Variants in FAM193A observed in about 807,000 individuals in gnomAD.
The protein encoded by FAM193A is family with sequence similarity 193 member A.
In FAM193A, 22 loss-of-function variants were observed where a neutral mutation model predicts 126.5. The ratio of observed to expected loss-of-function variants is 0.17; its 90% CI spans 0.12 to 0.25. The LOEUF is 0.25. FAM193A is among the 10% of genes least tolerant of loss of function. FAM193A has a pLI of 1.00. For synonymous variants in FAM193A, 761 were observed against 646.8 expected (o/e 1.18, Z -2.68); for missense variants, 1,675 against 1,672.8 (o/e 1.00, Z -0.02).
intron 1 of FAM193A, among the ~76,000 whole-genome samples, chr4:2,581,339 C>T (rs1423092636): frequency 4.0e-5 from 6 of 150,980 alleles, no homozygotes; most frequent in African/African-American, 7.3e-5. Context: ...CTGCAACCTC[C>T]GCCTCCCAGG....
At chr4:2,704,274 A>G (rs1718063955) in intron 19 of FAM193A, among the ~76,000 whole-genome samples, 1 of 151,650 alleles carries the variant, frequency 6.6e-6, no homozygotes, top group African/African-American at 2.4e-5. Context: ...AAAAAAAAAA[A>G]AAAAATTAAG....
At chr4:2,636,352 C>T (rs999957882) in intron 5 of FAM193A, among the ~76,000 whole-genome samples, 2 of 152,110 alleles carry the variant, frequency 1.3e-5, no homozygotes, top group East Asian at 1.9e-4. Context: ...CGTGAGCCAC[C>T]GTGCCCTGCC....
At chr4:2,695,593 T>C (rs973369992) in intron 17 of FAM193A, among the ~76,000 whole-genome samples, 1 of 152,224 alleles carries the variant, frequency 6.6e-6, no homozygotes, top group African/African-American at 2.4e-5. Context: ...CAGGGGCTTA[T>C]AGTTGTTCTT....
chr4:2,604,595 C>G (rs910408224), intron 2 of FAM193A, among the ~76,000 whole-genome samples: 1 of 152,050 alleles, frequency 6.6e-6, no homozygotes, highest in Non-Finnish European at 1.5e-5. Context: ...GTGGTCGTGC[C>G]TTTCTCCTGA....
intron 20 of FAM193A, among the ~76,000 whole-genome samples, chr4:2,721,704 CTG>C (rs1232804485): frequency 6.6e-6 from 1 of 152,186 alleles, no homozygotes; most frequent in Non-Finnish European, 1.5e-5. Flanking sequence ...GGGAGCATAA[CTG>C]TTAAATTACT....
At chr4:2,641,882 T>C (rs1744660610) in intron 6 of FAM193A, among the ~76,000 whole-genome samples, 4 of 151,856 alleles carry the variant, frequency 2.6e-5, no homozygotes, top group Admixed American at 1.3e-4. Flanking sequence ...GGCAGGAGGA[T>C]TGCTTAAGCC....
At chr4:2,558,407 G>GTACA (rs1367418131) in intron 1 of FAM193A, among the ~76,000 whole-genome samples, 1 of 152,188 alleles carries the variant, frequency 6.6e-6, no homozygotes, top group African/African-American at 2.4e-5. Context: ...ACTAGTTAGA[G>GTACA]TACAGTCCCT....
At chr4:2,682,666 T>C (rs1715287007) in intron 13 of FAM193A, among the ~76,000 whole-genome samples, 1 of 152,224 alleles carries the variant, frequency 6.6e-6, no homozygotes, top group South Asian at 2.1e-4. Flanking sequence ...CAATTTTATT[T>C]ATCTTTTTTA....
At chr4:2,704,951 G>A (rs767617399) in intron 19 of FAM193A, among the ~76,000 whole-genome samples, 8 of 151,420 alleles carry the variant, frequency 5.3e-5, no homozygotes, top group African/African-American at 1.2e-4. Context: ...TTGCTCTGTC[G>A]CCCAGGCTGG....
chr4:2,635,604 C>T (rs1248912738), intron 5 of FAM193A, among the ~76,000 whole-genome samples: 1 of 152,168 alleles, frequency 6.6e-6, no homozygotes, highest in African/African-American at 2.4e-5. Context: ...GAGATCTTGG[C>T]TCACTGAAAC....
chr4:2,621,676 A>G (rs1411712210), intron 2 of FAM193A, among the ~76,000 whole-genome samples: 1 of 152,164 alleles, frequency 6.6e-6, no homozygotes, highest in Non-Finnish European at 1.5e-5. Context: ...GAGGTAGGTG[A>G]TGATGGCTTA....
At chr4:2,582,196 C>G (rs1739982434) in intron 1 of FAM193A, among the ~76,000 whole-genome samples, 1 of 152,110 alleles carries the variant, frequency 6.6e-6, no homozygotes, top group Admixed American at 6.6e-5. Context: ...CTCTTTTGCC[C>G]AGGCTGAAGT....
In FAM193A at chr4:2,610,819, C is replaced by G. The variant is rs563038448; in HGVS notation, c.502-14443C>G. On this transcript the variant is annotated intron_variant, in intron 2 of 20. Coordinates refer to ENST00000637812, the MANE Select transcript of FAM193A (RefSeq NM_001366318.2). ...ATGGCGCGATCTCGGCTCACCGCAG[C>G]CTCCGCCTCCCAAGTTCAAGCGATT... Among the ~76,000 whole-genome samples, 35 of 152,148 alleles carry G rather than the reference C, an allele frequency of 2.3e-4. 1 individual carries two copies. In the East Asian group the frequency reaches 6.8e-3, roughly 29 times the overall value.
intron 20 of FAM193A, among the ~76,000 whole-genome samples, chr4:2,727,531 C>T (rs1180378057): frequency 1.3e-5 from 2 of 152,192 alleles, no homozygotes; most frequent in East Asian, 1.9e-4. Flanking sequence ...TCAATGGATA[C>T]CTTTAGCTTA....
intron 2 of FAM193A, among the ~76,000 whole-genome samples, chr4:2,596,950 C>T (rs1460915175): frequency 6.6e-6 from 1 of 152,182 alleles, no homozygotes; most frequent in Non-Finnish European, 1.5e-5. Flanking sequence ...TAATTATTTT[C>T]TGAGCTCTTC....
intron 1 of FAM193A, among the ~76,000 whole-genome samples, chr4:2,584,425 CAAA>C (rs371307978): frequency 4.9e-5 from 3 of 60,882 alleles, no homozygotes; most frequent in African/African-American, 1.1e-4. Context: ...GATTCCGTCT[CAAA>C]AAAAAAAAAA....
chr4:2,613,300 A>G (rs115232027), intron 2 of FAM193A, among the ~76,000 whole-genome samples: 1,816 of 150,712 alleles, frequency 0.012, 31 homozygotes, highest in African/African-American at 0.042. Flanking sequence ...TTCCCAAAGT[A>G]TTTTATATTT....
intron 6 of FAM193A, among the ~76,000 whole-genome samples, chr4:2,645,034 ATGTGTG>A (rs3221482): frequency 5.4e-4 from 81 of 149,430 alleles, no homozygotes; most frequent in Admixed American, 1.2e-3. Context: ...ATATACATGA[ATGTGTG>A]TGTGTGTGTG....
rs1180077487 is a variant in FAM193A, at chr4:2,659,576, G to A, written c.1408G>A (p.Val470Ile). The change falls in exon 9 of 21, where the codon GTT (valine) becomes ATT (isoleucine). Residue 470 changes from valine (V) to isoleucine (I), a missense_variant. Transcript: ENST00000637812. ...IEEQLTNKKA[V>I]TGENNFTDTM... is the part of the protein sequence containing the mutation. ...CCTCTAGTTAACCAATAAGAAAGCAGTTACTGGCGAGAACAACTTCACAGA... is the reference window on the plus strand; with the variant it reads ...CCTCTAGTTAACCAATAAGAAAGCAATTACTGGCGAGAACAACTTCACAGA... 1 of 1,613,884 alleles carries A rather than the reference G, an allele frequency of 6.2e-7. No individual in the cohort carries two copies.
Sources: gnomAD v4.1 joint callset for allele counts (sites outside exome capture counted in the v4.1 genomes callset) on GRCh38, gnomAD v4.1.1 for gene constraint, MANE v1.5 for transcripts, NCBI Gene and HGNC (gene_info 2026-07-23, HGNC 2026-07-21) for gene names.